TSNAXIP1: variants seen among roughly 807,000 people sequenced by gnomAD.
TSNAXIP1 encodes translin associated factor X interacting protein 1.
Under a neutral mutation model 84.8 loss-of-function variants are expected in TSNAXIP1, and 89 were observed. That is an observed-to-expected ratio of 1.05 (90% CI 0.88 to 1.25). The LOEUF (loss-of-function observed/expected upper bound fraction) is 1.25, where lower values mean the gene tolerates loss of function less well. TSNAXIP1 is among the 50% of genes most tolerant of loss of function. The pLI is 0.00. For synonymous variants in TSNAXIP1, 347 were observed against 335.2 expected, an observed-to-expected ratio of 1.04 and a Z score of -0.39; for missense variants, 874 against 887.6, an observed-to-expected ratio of 0.98 and a Z score of 0.20.
At chr16:67,823,847 T>C in intron 5 of TSNAXIP1, 128 bp downstream of exon 5, 1 of 690,184 alleles carries the variant, frequency 1.4e-6, no homozygotes. Context: ...TGAAACCCTG[T>C]CTCTAGTAAA....
chr16:67,824,754 AG>A lies in TSNAXIP1; in HGVS notation c.655del (p.Glu219ArgfsTer9). 6.2e-7 allele frequency: 1 copy of A among 1,613,786 alleles called. No homozygotes were observed. Among genetic ancestry groups the A allele is most frequent in the South Asian group, 1.1e-5 (1 of 91,066 alleles). On this transcript the variant is annotated frameshift_variant, in exon 6 of 16. Transcript: ENST00000561639. LOFTEE classifies it high-confidence loss of function. ...NLLKLIDKKN[E>X]EKISLQSEVT... ...CTAAAACTCATCGACAAAAAGAATGAGGAGAAGATTTCATTGCAGAGCGAGG... is the reference window on the plus strand; with the variant it reads ...CTAAAACTCATCGACAAAAAGAATGAGAGAAGATTTCATTGCAGAGCGAGG...
chr16:67,814,464 C>A, intron 2 of TSNAXIP1, 63 bp downstream of exon 2: 1 of 1,361,054 alleles, frequency 7.3e-7, no homozygotes, highest in Non-Finnish European at 1.0e-6. Flanking sequence ...CGTCTCCCTT[C>A]CTGCAACCCA....
intron 4 of TSNAXIP1, among the ~76,000 whole-genome samples, chr16:67,823,008 T>TG (rs1324109873): frequency 7.2e-5 from 11 of 152,132 alleles, no homozygotes; most frequent in African/African-American, 2.7e-4. Flanking sequence ...AGGCCAATGA[T>TG]GCAGTGTCTA....
chr16:67,813,124 C>T (rs1316976059), intron 1 of TSNAXIP1, among the ~76,000 whole-genome samples: 7 of 152,168 alleles, frequency 4.6e-5, no homozygotes, highest in South Asian at 2.1e-4. Context: ...CGGTGGCTTA[C>T]GCCTGTAATC....
intron 2 of TSNAXIP1, among the ~76,000 whole-genome samples, chr16:67,815,588 C>T (rs1160747540): frequency 6.6e-6 from 1 of 152,210 alleles, no homozygotes; most frequent in Non-Finnish European, 1.5e-5. Flanking sequence ...CAGACTCCAC[C>T]TCCCATGCTG....
chr16:67,820,725 C>A (rs2056972297), intron 2 of TSNAXIP1, 114 bp from the exon 3 acceptor site: 1 of 710,760 alleles, frequency 1.4e-6, no homozygotes, highest in Admixed American at 2.7e-5. Flanking sequence ...GCCTGGGCAA[C>A]AGAGCAAGAC....
At position 67,825,959 on chromosome 16, in the gene TSNAXIP1, C is replaced by CA; in HGVS notation, c.1028dup (p.His343GlnfsTer2). The CA allele has an allele frequency of 6.2e-7, 1 of 1,614,116 alleles. No homozygotes were observed. The highest frequency in any genetic ancestry group is 8.5e-7 in the Non-Finnish European group (1 of 1,180,030). ...CAGCTACGAGGAGGTTCGCAAGGAG[C>CA]ATGAGATCCTCATGCAGCTGCACAT... On this transcript the variant is annotated frameshift_variant, in exon 9 of 16. Coordinates refer to ENST00000561639, the MANE Select transcript of TSNAXIP1 (RefSeq NM_001288990.3). LOFTEE classifies it high-confidence loss of function.
At chr16:67,824,414 T>A (rs1456003629) in intron 5 of TSNAXIP1, among the ~76,000 whole-genome samples, 169 bp from the exon 6 acceptor site, 1 of 152,138 alleles carries the variant, frequency 6.6e-6, no homozygotes, top group Non-Finnish European at 1.5e-5. Context: ...GCCCTTTGTT[T>A]AAAATCAAGT....
chr16:67,808,594 C>T lies in TSNAXIP1; in HGVS notation c.47+1398C>T, dbSNP rs143297377. 7.5e-3 allele frequency among the ~76,000 whole-genome samples: 1,127 copies of T among 150,556 alleles called. 6 individuals are homozygous for T. The highest frequency in any genetic ancestry group is 0.021 in the African/African-American group (860 of 40,826). On this transcript the variant is annotated intron_variant, in intron 1 of 15. Transcript: ENST00000561639. ...GTCTCAAAAAAAAAAAAAATTTAGC[C>T]GGGCATGGTGGCAGGCACCTGTATT...
intron 6 of TSNAXIP1, 88 bp downstream of exon 6, chr16:67,824,867 C>T (rs1286946367): frequency 3.5e-6 from 5 of 1,412,432 alleles, no homozygotes; most frequent in Admixed American, 2.0e-5. Context: ...CTCTGCCTTT[C>T]TACGGAGAGT....
chr16:67,812,321 A>G (rs996590971), intron 1 of TSNAXIP1, among the ~76,000 whole-genome samples: 1 of 152,070 alleles, frequency 6.6e-6, no homozygotes. Context: ...ACATCTATGC[A>G]GTTCATTGCA....
rs2057302702 is a variant in TSNAXIP1 at position 67,824,578 on chromosome 16, C to T, written c.482-5C>T. 10 of 1,613,206 alleles carry T rather than the reference C, an allele frequency of 6.2e-6. No homozygotes were observed. The highest frequency in any genetic ancestry group is 3.4e-4 in the Middle Eastern group (2 of 5,966). On this transcript the variant is annotated splice_region_variant and splice_polypyrimidine_tract_variant and intron_variant, in intron 5 of 15. Coordinates refer to ENST00000561639, the MANE Select transcript of TSNAXIP1 (RefSeq NM_001288990.3). ...AAAGCAGCTCTCCCACCTGTCTCTGCTTAGCCCACCAAAGGGAGAAGATTC... is the reference window on the plus strand; with the variant it reads ...AAAGCAGCTCTCCCACCTGTCTCTGTTTAGCCCACCAAAGGGAGAAGATTC...
chr16:67,815,221 C>A (rs1007737770), intron 2 of TSNAXIP1, among the ~76,000 whole-genome samples: 5 of 143,796 alleles, frequency 3.5e-5, no homozygotes, highest in Non-Finnish European at 6.0e-5. Flanking sequence ...GGCTGAGGCA[C>A]GAGAATTGCT....
chr16:67,820,747 A>G, intron 2 of TSNAXIP1, 92 bp from the exon 3 acceptor site: 4 of 1,021,122 alleles, frequency 3.9e-6, no homozygotes, highest in Non-Finnish European at 5.6e-6. Flanking sequence ...GTCTCAAAAA[A>G]AAAAAGTCAG....
chr16:67,807,356 C>T (rs932150631), intron 1 of TSNAXIP1, 160 bp downstream of exon 1: 7 of 1,533,160 alleles, frequency 4.6e-6, no homozygotes, highest in South Asian at 2.4e-5. Context: ...CTGATTTAGC[C>T]CAGTGAAGAC....
chr16:67,808,391 G>A (rs200064292), intron 1 of TSNAXIP1, among the ~76,000 whole-genome samples: 21 of 151,960 alleles, frequency 1.4e-4, no homozygotes, highest in African/African-American at 4.6e-4. Flanking sequence ...CCTGGCTAAC[G>A]TGGTGAAACC....
chr16:67,820,855 T>C lies in TSNAXIP1; in HGVS notation c.164T>C (p.Met55Thr), dbSNP rs1422669517. 1 of 1,560,962 alleles carries C rather than the reference T, an allele frequency of 6.4e-7. No homozygotes were observed. The highest frequency in any genetic ancestry group is 8.7e-7 in the Non-Finnish European group (1 of 1,155,498). ...KRRTLTGQFS[M>T]GGHLSPWPTY... Reference sequence around the variant, plus strand: ...TCCCTGCAGACTGGTCAGTTCTCCATGGGTGGGCACCTGTCCCCATGGCCC... The same window carrying C: ...TCCCTGCAGACTGGTCAGTTCTCCACGGGTGGGCACCTGTCCCCATGGCCC... The change falls in exon 3 of 16, where the codon ATG (methionine) becomes ACG (threonine). Residue 55 changes from methionine to threonine, a missense_variant. Coordinates refer to ENST00000561639, the MANE Select transcript of TSNAXIP1 (RefSeq NM_001288990.3).
intron 2 of TSNAXIP1, among the ~76,000 whole-genome samples, chr16:67,817,315 A>ATTTTTTTTTTTTT (rs561026786): frequency 8.5e-5 from 11 of 128,868 alleles, no homozygotes; most frequent in African/African-American, 3.1e-4. Context: ...GCGCCCGGCT[A>ATTTTTTTTTTTTT]TTTTTTTTTT....
chr16:67,825,201 G>C lies in TSNAXIP1; in HGVS notation c.743G>C (p.Cys248Ser), dbSNP rs745603314. Reference protein sequence around the residue: ...YLHYLSERDACKILIADLNEL... With the variant: ...YLHYLSERDASKILIADLNEL... ...CACTACCTCAGTGAGCGAGATGCCT[G>C]TAAGATCCTCATCGCAGACCTGAAT... The change falls in exon 7 of 16, where the codon TGT becomes TCT. Residue 248 changes from cysteine to serine, a missense_variant. Cys to Ser is a moderately radical substitution (Grantham distance 112). Transcript: ENST00000561639. 5.6e-6 allele frequency: 9 copies of C among 1,614,202 alleles called. No homozygotes were observed. Among genetic ancestry groups the C allele is most frequent in the Admixed American group, 1.7e-5 (1 of 60,030 alleles).
Sources: gnomAD v4.1 joint callset for allele counts (sites outside exome capture counted in the v4.1 genomes callset) on GRCh38, gnomAD v4.1.1 for gene constraint, MANE v1.5 for transcripts, NCBI Gene and HGNC (gene_info 2026-07-23, HGNC 2026-07-21) for gene names.